The following PLXDC1 variants were observed in gnomAD, a reference collection of about 807,000 sequenced individuals.
PLXDC1 encodes the protein plexin domain-containing protein 1.
In PLXDC1, 39 loss-of-function variants were observed where a neutral mutation model predicts 61.3. That is an observed-to-expected ratio of 0.64 (90% CI 0.49 to 0.83). The LOEUF (loss-of-function observed/expected upper bound fraction) is 0.83. Ranked by LOEUF, PLXDC1 falls within the 40% of genes least tolerant of loss-of-function variation. PLXDC1 has a pLI of 0.00. For synonymous variants in PLXDC1, 212 were observed against 254.5 expected (o/e 0.83, Z 1.59); for missense variants, 596 against 666.5 (o/e 0.89, Z 1.17).
At position 39,148,419 on chromosome 17, in the gene PLXDC1, T is replaced by C. The variant is rs138812451; in HGVS notation, c.76+2943A>G. On this transcript the variant is annotated intron_variant, in intron 1 of 13. Coordinates refer to ENST00000315392, the MANE Select transcript of PLXDC1 (RefSeq NM_020405.5). ...TTTTTTTGACAGAGTCTTACTCTGT[T>C]GCCCAGGCTGGAGTGCAGTGGTGCG... is the stretch of plus-strand genomic sequence containing the variant. Among the ~76,000 whole-genome samples, 1,014 of 151,950 alleles carry C rather than the reference T, an allele frequency of 6.7e-3. 13 individuals are homozygous for C. The highest frequency in any genetic ancestry group is 0.023 in the African/African-American group (953 of 41,448).
chr17:39,081,732 C>A (rs1404115629), intron 9 of PLXDC1, among the ~76,000 whole-genome samples: 1 of 152,034 alleles, frequency 6.6e-6, no homozygotes, highest in Non-Finnish European at 1.5e-5. Flanking sequence ...CACTTGAACC[C>A]AGGAGTTCAA....
chr17:39,142,843 AGTTCTAACAAAAGGCCGGG>A (rs1435392769), intron 1 of PLXDC1, among the ~76,000 whole-genome samples: 12 of 152,202 alleles, frequency 7.9e-5, no homozygotes, highest in Non-Finnish European at 1.5e-4. Context: ...CTGTTAAATT[AGTTCTAACAAAAGGCCGGG>A]CGTGGTGGCT....
At chr17:39,119,396 T>C in intron 2 of PLXDC1, among the ~76,000 whole-genome samples, 1 of 152,196 alleles carries the variant, frequency 6.6e-6, no homozygotes, top group South Asian at 2.1e-4. Context: ...ATACATTATA[T>C]GTATTGAAAC....
At chr17:39,099,471 G>A (rs1350166062) in intron 7 of PLXDC1, among the ~76,000 whole-genome samples, 3 of 152,144 alleles carry the variant, frequency 2.0e-5, no homozygotes, top group Non-Finnish European at 4.4e-5. Flanking sequence ...ATGGGATGCA[G>A]GATAGGGAAG....
At chr17:39,122,303 G>C (rs112023943) in intron 2 of PLXDC1, among the ~76,000 whole-genome samples, 1 of 148,122 alleles carries the variant, frequency 6.8e-6, no homozygotes, top group Non-Finnish European at 1.5e-5. Context: ...TACTCAGGAG[G>C]CTGAGGCAGG....
rs987209041 is a variant in PLXDC1, at chr17:39,151,115, C to T, written c.76+247G>A. Among the ~76,000 whole-genome samples, 1 of 152,222 alleles carries T rather than the reference C, an allele frequency of 6.6e-6. No homozygotes were observed. The highest frequency in any genetic ancestry group is 1.5e-5 in the Non-Finnish European group (1 of 68,036). ...TAGAGCCCCCTCTCCTAAGGTCCCT[C>T]CAGTATCCTTCCAGGAGAGAAGGAG... On this transcript the variant is annotated intron_variant, in intron 1 of 13. Coordinates refer to ENST00000315392, the MANE Select transcript of PLXDC1 (RefSeq NM_020405.5). The surrounding 1 kb of genome is among the most constrained non-coding windows in gnomAD (Gnocchi z 5.2).
chr17:39,099,966 G>A (rs1910363932), intron 7 of PLXDC1, among the ~76,000 whole-genome samples: 1 of 152,140 alleles, frequency 6.6e-6, no homozygotes, highest in Admixed American at 6.5e-5. Flanking sequence ...AAAAAAGATA[G>A]GATGTTACAT....
At chr17:39,098,749 G>A (rs796732701) in intron 7 of PLXDC1, among the ~76,000 whole-genome samples, 9 of 152,302 alleles carry the variant, frequency 5.9e-5, no homozygotes, top group African/African-American at 2.2e-4. Flanking sequence ...GTGCCAAGCA[G>A]TAAAAAAGAT....
intron 1 of PLXDC1, among the ~76,000 whole-genome samples, chr17:39,148,389 AT>A (rs577553292): frequency 0.011 from 1,569 of 146,592 alleles, 27 homozygotes; most frequent in African/African-American, 0.036. Flanking sequence ...TTTAATTTTA[AT>A]TTTTTTTTTT....
chr17:39,099,262 C>T (rs949448313), intron 7 of PLXDC1, among the ~76,000 whole-genome samples: 10 of 152,064 alleles, frequency 6.6e-5, no homozygotes, highest in African/African-American at 2.4e-4. Flanking sequence ...CTGGTTTGCT[C>T]TAAAGGGGCT....
chr17:39,118,501 C>T (rs1002563899), intron 2 of PLXDC1, among the ~76,000 whole-genome samples: 1 of 152,098 alleles, frequency 6.6e-6, no homozygotes, highest in Non-Finnish European at 1.5e-5. Flanking sequence ...ACCATGTCCG[C>T]CTAGTCTACA....
At chr17:39,098,181 G>C (rs1910289192) in intron 7 of PLXDC1, among the ~76,000 whole-genome samples, 2 of 140,448 alleles carry the variant, frequency 1.4e-5, no homozygotes, top group Admixed American at 1.5e-4. Context: ...CTCCAGCCTG[G>C]GCAACAAGAG....
At position 39,140,365 on chromosome 17, in the gene PLXDC1, G is replaced by T. The variant is rs565290410; in HGVS notation, c.77-533C>A. On this transcript the variant is annotated intron_variant, in intron 1 of 13. Coordinates refer to ENST00000315392, the MANE Select transcript of PLXDC1 (RefSeq NM_020405.5). ...CTGTCACCCAGGCTGGAGTGCAGTG[G>T]CCCGAGCTCCGCTCCCTGCAAGCTC... 1.7e-4 allele frequency among the ~76,000 whole-genome samples: 26 copies of T among 152,248 alleles called. 1 individual carries two copies. In the South Asian group the frequency reaches 5.4e-3, roughly 32 times the overall value.
At chr17:39,128,107 A>ATATATATATATATATACACATATATATG (rs1291982693) in intron 2 of PLXDC1, among the ~76,000 whole-genome samples, 7 of 100,632 alleles carry the variant, frequency 7.0e-5, no homozygotes, top group Non-Finnish European at 9.7e-5. Context: ...GTATATATAT[A>ATATATATATATATATACACATATATATG]TATATATGTA....
In PLXDC1 at chr17:39,108,333, C is replaced by T. The variant is rs150562750; in HGVS notation, c.470-88G>A. 2.4e-4 allele frequency: 334 copies of T among 1,407,810 alleles called. No homozygotes were observed. The African/African-American group carries it at 3.9e-3, about 17-fold the overall frequency. 87.2% of individuals were successfully genotyped at this position (1,407,810 alleles called of 1,614,324 possible). Reference sequence around the variant, plus strand: ...TTTTCCCCAAGGGCAAGAAGGGCAGCGCAGGCAGAGCTGGAAGTGAGCCTG... The same window carrying T: ...TTTTCCCCAAGGGCAAGAAGGGCAGTGCAGGCAGAGCTGGAAGTGAGCCTG... On this transcript the variant is annotated intron_variant, in intron 4 of 13. Coordinates refer to ENST00000315392, the MANE Select transcript of PLXDC1 (RefSeq NM_020405.5).
intron 2 of PLXDC1, among the ~76,000 whole-genome samples, chr17:39,123,514 T>G (rs1344843104): frequency 2.0e-5 from 3 of 151,922 alleles, no homozygotes. Flanking sequence ...TGAAAGGGGT[T>G]TCTTGAAAGG....
At chr17:39,093,235 A>AT (rs139901385) in intron 7 of PLXDC1, among the ~76,000 whole-genome samples, 28 of 150,856 alleles carry the variant, frequency 1.9e-4, no homozygotes, top group Admixed American at 4.6e-4. Flanking sequence ...TGCCCTGGTA[A>AT]TTTTTTTTTA....
intron 2 of PLXDC1, among the ~76,000 whole-genome samples, chr17:39,116,067 G>A (rs1461930202): frequency 2.0e-5 from 3 of 152,146 alleles, no homozygotes; most frequent in Non-Finnish European, 2.9e-5. Context: ...GCTGTGAGCC[G>A]AGATTGCGCC....
chr17:39,091,660 G>A, intron 7 of PLXDC1, among the ~76,000 whole-genome samples: 1 of 152,116 alleles, frequency 6.6e-6, no homozygotes, highest in Non-Finnish European at 1.5e-5. Flanking sequence ...ATCAGGTTGA[G>A]AGAGCAAGGG....
Sources: gnomAD v4.1 joint callset for allele counts (sites outside exome capture counted in the v4.1 genomes callset) on GRCh38, gnomAD v4.1.1 for gene constraint, Gnocchi (gnomAD v3.1) non-coding constraint, MANE v1.5 for transcripts, NCBI Gene and HGNC (gene_info 2026-07-23, HGNC 2026-07-21) for gene names.